The following MSI2 variants were observed in gnomAD, a reference collection of about 807,000 sequenced individuals.
MSI2 encodes the protein musashi RNA binding protein 2.
In MSI2, 17 loss-of-function variants were observed where a neutral mutation model predicts 45.6. The ratio of observed to expected loss-of-function variants is 0.37; its 90% CI spans 0.26 to 0.56. The LOEUF is 0.56. Ranked by LOEUF, MSI2 falls within the 20% of genes least tolerant of loss-of-function variation. The probability of loss-of-function intolerance (pLI) is 0.77; values close to 1 mark genes in which losing one functional copy is unlikely to be tolerated. For missense variants in MSI2, 293 were observed against 444.2 expected (o/e 0.66, Z 3.06); for synonymous variants, 156 against 158.2 (o/e 0.99, Z 0.11).
In MSI2 at chr17:57,652,797, C is replaced by T. The variant is rs938647873; in HGVS notation, c.790+636C>T. Reference sequence around the variant, plus strand: ...CCAGTCCTTCTGTCTCCAAAGCCAACCTTTTGGAGGTCTGGAACCCCTCAA... The same window carrying T: ...CCAGTCCTTCTGTCTCCAAAGCCAATCTTTTGGAGGTCTGGAACCCCTCAA... On this transcript the variant is annotated intron_variant, in intron 11 of 13. Coordinates refer to ENST00000284073, the MANE Select transcript of MSI2 (RefSeq NM_138962.4). The surrounding 1 kb of genome is among the most constrained non-coding windows in gnomAD (Gnocchi z 4.1). 6.6e-6 allele frequency among the ~76,000 whole-genome samples: 1 copy of T among 152,256 alleles called. No homozygotes were observed. Among genetic ancestry groups the T allele is most frequent in the African/African-American group, 2.4e-5 (1 of 41,472 alleles).
chr17:57,380,012 C>T (rs2083571556), intron 5 of MSI2, among the ~76,000 whole-genome samples: 1 of 152,110 alleles, frequency 6.6e-6, no homozygotes, highest in Non-Finnish European at 1.5e-5. Flanking sequence ...AATAGAAGGC[C>T]TAGCATATTG....
At chr17:57,385,565 C>T (rs1189137502) in intron 5 of MSI2, among the ~76,000 whole-genome samples, 1 of 152,140 alleles carries the variant, frequency 6.6e-6, no homozygotes, top group Non-Finnish European at 1.5e-5. Context: ...GCAGGAGGAT[C>T]GCTTGAACCT....
rs80315677 is a variant in MSI2 at position 57,589,743 on chromosome 17, G to C, written c.455-7125G>C. Among the ~76,000 whole-genome samples the C allele has an allele frequency of 8.5e-4, 130 of 152,294 alleles. 1 individual carries two copies. The highest frequency in any genetic ancestry group is 3.4e-3 in the Middle Eastern group (1 of 294). ...CTGACAGTCTTCTCCAGAAAAGTAG[G>C]GGGGAGTGTGAAAGTAACTTGGGGT... On this transcript the variant is annotated intron_variant, in intron 7 of 13. Transcript: ENST00000284073.
chr17:57,397,504 C>A (rs1196544297), intron 5 of MSI2, among the ~76,000 whole-genome samples: 1 of 152,216 alleles, frequency 6.6e-6, no homozygotes, highest in Non-Finnish European at 1.5e-5. Context: ...TCCATTTAGT[C>A]CCACTGAAAG....
chr17:57,689,637 A>G (rs1423473277), downstream of MSI2, among the ~76,000 whole-genome samples: 5 of 152,210 alleles, frequency 3.3e-5, no homozygotes, highest in Non-Finnish European at 5.9e-5. Flanking sequence ...CTCCCTGCAT[A>G]GTCAAAATAG....
chr17:57,515,185 C>G (rs1206422544), intron 6 of MSI2, among the ~76,000 whole-genome samples: 2 of 152,188 alleles, frequency 1.3e-5, no homozygotes, highest in Admixed American at 6.5e-5. Flanking sequence ...GTTTGATGCT[C>G]TTTTTTATCT....
intron 7 of MSI2, among the ~76,000 whole-genome samples, chr17:57,592,807 C>T (rs1401723634): frequency 1.3e-5 from 2 of 152,202 alleles, no homozygotes; most frequent in African/African-American, 4.8e-5. Context: ...TTCCTGTCTC[C>T]TACCTCAGTT....
chr17:57,658,555 C>T (rs1327635683), intron 11 of MSI2, among the ~76,000 whole-genome samples: 4 of 152,188 alleles, frequency 2.6e-5, no homozygotes, highest in African/African-American at 9.7e-5. Flanking sequence ...CAGACCAAAC[C>T]TGTTGAGGAT....
chr17:57,616,893 T>C (rs1567938761), intron 9 of MSI2, among the ~76,000 whole-genome samples: 1 of 152,234 alleles, frequency 6.6e-6, no homozygotes, highest in African/African-American at 2.4e-5. Context: ...AGTTATTGTG[T>C]GTCAGGAAAA....
intron 4 of MSI2, among the ~76,000 whole-genome samples, chr17:57,259,161 CT>C (rs1455809465): frequency 6.6e-6 from 1 of 151,974 alleles, no homozygotes; most frequent in African/African-American, 2.4e-5. Context: ...GGCTTCCTGC[CT>C]CTCCTCCCTT....
At chr17:57,660,928 A>G (rs1297704023) in intron 11 of MSI2, among the ~76,000 whole-genome samples, 2 of 152,216 alleles carry the variant, frequency 1.3e-5, no homozygotes, top group South Asian at 4.1e-4. Flanking sequence ...CTGTGAGATC[A>G]TGGGAGGCCT....
intron 5 of MSI2, among the ~76,000 whole-genome samples, chr17:57,320,185 G>A (rs1319538985): frequency 4.6e-5 from 7 of 152,184 alleles, no homozygotes; most frequent in Admixed American, 4.6e-4. Context: ...AGATTTGAGG[G>A]GCGATTGTGA....
Position 57,256,603 on chromosome 17 carries a change from A to C in MSI2, c.-140A>C. 3 of 308,540 alleles carry C rather than the reference A, an allele frequency of 9.7e-6. No individual in the cohort carries two copies. The highest frequency in any genetic ancestry group is 1.6e-5 in the Non-Finnish European group (3 of 187,526). The allele number at this position is 308,540 out of a possible 1,614,324, so 19.1% of individuals were successfully genotyped here. Reference sequence around the variant, plus strand: ...TGCCCCGGCTCCGCCGCTCGCAGAGAGATTCGGAGGAGCCCGGGCGGGGGG... The same window carrying C: ...TGCCCCGGCTCCGCCGCTCGCAGAGCGATTCGGAGGAGCCCGGGCGGGGGG... On this transcript the variant is annotated 5_prime_UTR_variant, in exon 1 of 14. Transcript: ENST00000284073.
At position 57,617,477 on chromosome 17, in the gene MSI2, A is replaced by G. The variant is rs1410766905; in HGVS notation, c.652+1393A>G. Among the ~76,000 whole-genome samples the G allele has an allele frequency of 3.9e-5, 6 of 152,384 alleles. 1 individual carries two copies. The highest frequency in any genetic ancestry group is 8.8e-5 in the Non-Finnish European group (6 of 68,040). On this transcript the variant is annotated intron_variant, in intron 9 of 13. Transcript: ENST00000284073. Reference sequence around the variant, plus strand: ...TAGAAAAGGGTAGAGTCTAAACTAAATATACCTATATTTAAGAGTGTGATT... The same window carrying G: ...TAGAAAAGGGTAGAGTCTAAACTAAGTATACCTATATTTAAGAGTGTGATT...
chr17:57,636,485 C>T (rs116516406), intron 10 of MSI2, among the ~76,000 whole-genome samples: 281 of 152,298 alleles, frequency 1.8e-3, no homozygotes, highest in African/African-American at 6.1e-3. Flanking sequence ...GAGACCTCTG[C>T]GGTCAGTCCC....
chr17:57,538,946 T>C (rs2086981228), intron 7 of MSI2, among the ~76,000 whole-genome samples: 2 of 152,200 alleles, frequency 1.3e-5, no homozygotes, highest in South Asian at 4.1e-4. Context: ...AATAGGACAT[T>C]GGGTTAGCCT....
At chr17:57,437,191 T>C (rs192077385) in intron 6 of MSI2, among the ~76,000 whole-genome samples, 686 of 152,314 alleles carry the variant, frequency 4.5e-3, no homozygotes, top group African/African-American at 0.016. Flanking sequence ...TAACCTTACT[T>C]TTGGATTTAT....
intron 7 of MSI2, among the ~76,000 whole-genome samples, chr17:57,563,714 T>TCC: frequency 6.8e-6 from 1 of 148,106 alleles, no homozygotes. Context: ...TCTGTCTCTC[T>TCC]CTCTCTTTCC....
At chr17:57,334,761 T>C (rs1286305411) in intron 5 of MSI2, among the ~76,000 whole-genome samples, 1 of 151,192 alleles carries the variant, frequency 6.6e-6, no homozygotes, top group African/African-American at 2.4e-5. Context: ...GCCATTGCAC[T>C]CCAGCCTGGG....
Sources: allele counts gnomAD v4.1 joint callset (sites outside exome capture counted in the v4.1 genomes callset), GRCh38; gene constraint gnomAD v4.1.1; non-coding constraint Gnocchi (gnomAD v3.1); transcripts MANE v1.5; gene names NCBI Gene and HGNC (gene_info 2026-07-23, HGNC 2026-07-21).